Variants in FRAS1 observed in about 807,000 individuals in gnomAD.
The protein encoded by FRAS1 is Fraser extracellular matrix complex subunit 1.
Under a neutral mutation model 435.2 loss-of-function variants are expected in FRAS1, and 290 were observed. The observed-to-expected ratio is 0.67, with a 90% confidence interval of 0.61 to 0.73. The LOEUF is 0.73. Among genes scored for constraint, FRAS1 ranks in the 30% least tolerant of loss-of-function variants. The pLI is 0.00. For missense variants in FRAS1, 4,860 were observed against 5,001.5 expected (o/e 0.97, Z 0.85); for synonymous variants, 1,800 against 1,851.0 (o/e 0.97, Z 0.71).
intron 18 of FRAS1, among the ~76,000 whole-genome samples, chr4:78,324,444 C>T (rs1729636380): frequency 6.6e-6 from 1 of 151,880 alleles, no homozygotes; most frequent in Non-Finnish European, 1.5e-5. Context: ...TAAATTCTGA[C>T]AGTTGTTTAT....
At chr4:78,151,846 G>C (rs943094772) in intron 2 of FRAS1, among the ~76,000 whole-genome samples, 2 of 152,128 alleles carry the variant, frequency 1.3e-5, no homozygotes, top group African/African-American at 4.8e-5. Flanking sequence ...GATTTCTAGA[G>C]CCTTCATCTT....
rs1560753038 is a variant in FRAS1 at position 78,483,799 on chromosome 4, A to ATATATATAT, written c.8752+1264_8752+1265insTATATATAT. Among the ~76,000 whole-genome samples, 642 of 67,334 alleles carry ATATATATAT rather than the reference A, an allele frequency of 9.5e-3. 83 individuals are homozygous for ATATATATAT. The highest frequency in any genetic ancestry group is 0.016 in the Non-Finnish European group (458 of 28,704). The allele number at this position is 67,334 out of a possible 152,430, so 44.2% of individuals were successfully genotyped here. On this transcript the variant is annotated intron_variant, in intron 58 of 73. Transcript: ENST00000512123. ...CTCTCTCTCTATATATATATATATA[A>ATATATATAT]AATTATGTATGTGTGATACACACAC... is the stretch of plus-strand genomic sequence containing the variant.
intron 72 of FRAS1, among the ~76,000 whole-genome samples, chr4:78,538,978 A>T (rs1435033642): frequency 1.3e-5 from 2 of 150,164 alleles, no homozygotes; most frequent in African/African-American, 4.9e-5. Flanking sequence ...AAAAAATCAG[A>T]TCTCATGAGA....
At chr4:78,229,253 A>C (rs1164688315) in intron 2 of FRAS1, among the ~76,000 whole-genome samples, 1 of 152,178 alleles carries the variant, frequency 6.6e-6, no homozygotes, top group East Asian at 1.9e-4. Flanking sequence ...GGAAGAAATA[A>C]AAAGGTGAAA....
intron 70 of FRAS1, among the ~76,000 whole-genome samples, chr4:78,533,198 A>T (rs1207475331): frequency 6.6e-6 from 1 of 152,024 alleles, no homozygotes; most frequent in Admixed American, 6.6e-5. Context: ...ATGCTATATT[A>T]TTTTTTATTT....
intron 2 of FRAS1, among the ~76,000 whole-genome samples, chr4:78,199,125 T>A (rs1404975558): frequency 6.6e-6 from 1 of 152,178 alleles, no homozygotes; most frequent in Non-Finnish European, 1.5e-5. Context: ...TATTTTATGT[T>A]CCCCACCTCC....
intron 2 of FRAS1, among the ~76,000 whole-genome samples, chr4:78,223,719 A>G (rs149781067): frequency 2.0e-5 from 3 of 152,292 alleles, no homozygotes; most frequent in African/African-American, 7.2e-5. Flanking sequence ...AGCACTTCAG[A>G]TAACTATTTC....
chr4:78,201,054 C>T (rs2110075707), intron 2 of FRAS1, among the ~76,000 whole-genome samples: 1 of 152,086 alleles, frequency 6.6e-6, no homozygotes, highest in South Asian at 2.1e-4. Flanking sequence ...GAACTTTGTT[C>T]ATACTTTTCT....
intron 36 of FRAS1, among the ~76,000 whole-genome samples, chr4:78,429,950 A>G (rs181473874): frequency 2.6e-5 from 4 of 152,316 alleles, no homozygotes; most frequent in African/African-American, 7.2e-5. Context: ...ATGCCAAACA[A>G]TTTATAGGAG....
intron 20 of FRAS1, among the ~76,000 whole-genome samples, chr4:78,358,984 C>T (rs371207567): frequency 6.3e-4 from 96 of 152,166 alleles, no homozygotes; most frequent in African/African-American, 2.2e-3. Context: ...ATAGAAAAAG[C>T]ACTAAAAGAA....
At chr4:78,301,985 C>T (rs1014353478) in intron 14 of FRAS1, among the ~76,000 whole-genome samples, 35 of 151,754 alleles carry the variant, frequency 2.3e-4, no homozygotes, top group African/African-American at 8.0e-4. Flanking sequence ...GGTATATCTC[C>T]CAATGCTATC....
intron 54 of FRAS1, among the ~76,000 whole-genome samples, chr4:78,477,256 ATGTT>A (rs1379415496): frequency 6.6e-6 from 1 of 152,184 alleles, no homozygotes; most frequent in Non-Finnish European, 1.5e-5. Context: ...ATAATATCTT[ATGTT>A]TGTTTGGTAC....
chr4:78,121,696 C>G (rs1001834370), intron 2 of FRAS1, among the ~76,000 whole-genome samples: 5 of 152,190 alleles, frequency 3.3e-5, no homozygotes, highest in African/African-American at 1.2e-4. Context: ...CGCTTGAGCT[C>G]TATTTTAGAC....
At position 78,267,147 on chromosome 4, in the gene FRAS1, A is replaced by G. The variant is rs77638233; in HGVS notation, c.790-94A>G. The G allele has an allele frequency of 2.2e-3, 2,771 of 1,261,842 alleles. 51 individuals carry two copies. In the African/African-American group the frequency reaches 0.036, roughly 16 times the overall value. The allele number at this position is 1,261,842 out of a possible 1,614,324, so 78.2% of individuals were successfully genotyped here. On this transcript the variant is annotated intron_variant, in intron 8 of 73. Coordinates refer to ENST00000512123, the MANE Select transcript of FRAS1 (RefSeq NM_025074.7). ...GGTCGGGCCAGAGAAAGAGCCATGT[A>G]GAGCTTTGGTATTTTGGGTCCTCCT...
At chr4:78,490,544 C>A (rs1188210103) in intron 59 of FRAS1, among the ~76,000 whole-genome samples, 1 of 152,144 alleles carries the variant, frequency 6.6e-6, no homozygotes, top group African/African-American at 2.4e-5. Context: ...ACAACCTGCT[C>A]CTGAATGACT....
chr4:78,146,961 A>C (rs1720446710), intron 2 of FRAS1, among the ~76,000 whole-genome samples: 1 of 152,110 alleles, frequency 6.6e-6, no homozygotes, highest in Admixed American at 6.6e-5. Context: ...CCCAGACTTT[A>C]ATGTTGACTT....
intron 2 of FRAS1, among the ~76,000 whole-genome samples, chr4:78,191,000 C>CAGAGACCAGAGAG (rs1444808329): frequency 6.6e-6 from 1 of 152,164 alleles, no homozygotes; most frequent in African/African-American, 2.4e-5. Flanking sequence ...GACCAGAGCT[C>CAGAGACCAGAGAG]ACTTGCTGTC....
At chr4:78,320,605 A>G (rs1242291471) in intron 18 of FRAS1, among the ~76,000 whole-genome samples, 3 of 152,066 alleles carry the variant, frequency 2.0e-5, no homozygotes, top group Admixed American at 6.6e-5. Flanking sequence ...ATGTGAGGAA[A>G]GTACAAGGAG....
chr4:78,198,050 C>G (rs137991888), intron 2 of FRAS1, among the ~76,000 whole-genome samples: 219 of 152,260 alleles, frequency 1.4e-3, no homozygotes, highest in African/African-American at 5.1e-3. Context: ...GATTTCAGCT[C>G]TTTATTTTGG....
Sources: gnomAD v4.1 joint callset for allele counts (sites outside exome capture counted in the v4.1 genomes callset) on GRCh38, gnomAD v4.1.1 for gene constraint, MANE v1.5 for transcripts, NCBI Gene and HGNC (gene_info 2026-07-23, HGNC 2026-07-21) for gene names.